IGF1R: variants seen among roughly 807,000 people sequenced by gnomAD.
IGF1R encodes the protein insulin like growth factor 1 receptor.
IGF1R carries 44 observed loss-of-function variants against 144.6 expected under a neutral mutation model. The observed-to-expected ratio is 0.30, with a 90% confidence interval of 0.24 to 0.39. The LOEUF (loss-of-function observed/expected upper bound fraction) is 0.39, where lower values mean the gene tolerates loss of function less well. IGF1R is among the 10% of genes least tolerant of loss of function. The probability of loss-of-function intolerance (pLI) is 1.00; values close to 1 mark genes in which losing one functional copy is unlikely to be tolerated. For missense variants in IGF1R, 1,355 were observed against 1,833.7 expected (o/e 0.74, Z 4.77); for synonymous variants, 795 against 722.8 (o/e 1.10, Z -1.60).
rs774138819 is a variant in IGF1R, at chr15:98,937,774, G to A, written c.3298-1427G>A. 1.1e-3 allele frequency among the ~76,000 whole-genome samples: 161 copies of A among 152,220 alleles called. 1 individual carries two copies. Among genetic ancestry groups the A allele is most frequent in the Non-Finnish European group, 1.9e-3 (126 of 68,012 alleles). ...TGCTTTTGTTGATTCTGTTGCTCAC[G>A]GCAATTATAAATGACCACTTCATAA... On this transcript the variant is annotated intron_variant, in intron 17 of 20. Coordinates refer to ENST00000650285, the MANE Select transcript of IGF1R (RefSeq NM_000875.5).
At chr15:98,776,800 C>A (rs73475667) in intron 2 of IGF1R, among the ~76,000 whole-genome samples, 2,417 of 152,270 alleles carry the variant, frequency 0.016, 63 homozygotes, top group African/African-American at 0.055. Context: ...CACAGATAAG[C>A]CCAAAAGAGA....
At chr15:98,893,240 A>G (rs1033948581) in intron 3 of IGF1R, among the ~76,000 whole-genome samples, 1 of 152,212 alleles carries the variant, frequency 6.6e-6, no homozygotes, top group Non-Finnish European at 1.5e-5. Context: ...TTATTTGGAG[A>G]CGCAGCTTCT....
At chr15:98,845,435 C>CCCT (rs1158300630) in intron 2 of IGF1R, among the ~76,000 whole-genome samples, 2 of 105,262 alleles carry the variant, frequency 1.9e-5, no homozygotes, top group Admixed American at 1.9e-4. Context: ...TTCCTCCCCT[C>CCCT]CCTCCTCCTC....
At chr15:98,671,077 T>C (rs1052432487) in intron 1 of IGF1R, among the ~76,000 whole-genome samples, 3 of 152,196 alleles carry the variant, frequency 2.0e-5, no homozygotes, top group Admixed American at 6.5e-5. Context: ...GTGTCTCACG[T>C]TGATGCAAAT....
intron 19 of IGF1R, among the ~76,000 whole-genome samples, chr15:98,944,831 C>T (rs1567215079): frequency 6.6e-6 from 1 of 152,364 alleles, no homozygotes. Flanking sequence ...CAGCCTCATG[C>T]TTTAGACATC....
intron 2 of IGF1R, among the ~76,000 whole-genome samples, chr15:98,762,587 G>T (rs1432639042): frequency 1.3e-5 from 2 of 151,942 alleles, no homozygotes; most frequent in Non-Finnish European, 2.9e-5. Flanking sequence ...AGTTAGCTGG[G>T]CGTGGTGGCA....
intron 2 of IGF1R, among the ~76,000 whole-genome samples, chr15:98,817,647 TG>T (rs757760574): frequency 3.3e-5 from 5 of 152,170 alleles, no homozygotes; most frequent in Non-Finnish European, 7.3e-5. Flanking sequence ...ACTTGGAAGA[TG>T]AGGGAAACTG....
chr15:98,787,808 T>G (rs1476550989), intron 2 of IGF1R, among the ~76,000 whole-genome samples: 1 of 152,170 alleles, frequency 6.6e-6, no homozygotes, highest in Non-Finnish European at 1.5e-5. Flanking sequence ...CAGCTGGAGG[T>G]GTCTGGTAGG....
At chr15:98,717,665 C>G (rs1404991091) in intron 2 of IGF1R, among the ~76,000 whole-genome samples, 1 of 152,094 alleles carries the variant, frequency 6.6e-6, no homozygotes, top group Non-Finnish European at 1.5e-5. Flanking sequence ...GGTTCCGAAA[C>G]TGAATTTATT....
chr15:98,676,826 T>C (rs1430783344), intron 1 of IGF1R, among the ~76,000 whole-genome samples: 1 of 152,324 alleles, frequency 6.6e-6, no homozygotes, highest in Admixed American at 6.5e-5. Flanking sequence ...TTGTATACTT[T>C]TCCTTTTGGG....
chr15:98,857,863 C>A lies in IGF1R; in HGVS notation c.641-33462C>A, dbSNP rs536237386. Among the ~76,000 whole-genome samples the A allele has an allele frequency of 1.3e-3, 193 of 152,308 alleles. 1 individual carries two copies. Among genetic ancestry groups the A allele is most frequent in the African/African-American group, 4.2e-3 (176 of 41,576 alleles). On this transcript the variant is annotated intron_variant, in intron 2 of 20. Transcript: ENST00000650285. ...TAAGGATAACTGAGACCTGTACATTCCATTTTTCCTGTCATATTTAGGGCT... is the reference window on the plus strand; with the variant it reads ...TAAGGATAACTGAGACCTGTACATTACATTTTTCCTGTCATATTTAGGGCT...
At chr15:98,764,956 A>G (rs1261336978) in intron 2 of IGF1R, among the ~76,000 whole-genome samples, 1 of 152,204 alleles carries the variant, frequency 6.6e-6, no homozygotes, top group Non-Finnish European at 1.5e-5. Context: ...CCCCTTAAGC[A>G]GTTAATCCCC....
At chr15:98,837,232 C>G (rs1403841815) in intron 2 of IGF1R, among the ~76,000 whole-genome samples, 1 of 152,016 alleles carries the variant, frequency 6.6e-6, no homozygotes, top group African/African-American at 2.4e-5. Context: ...AGTGCCCCAC[C>G]AGTTTTGTTT....
intron 2 of IGF1R, among the ~76,000 whole-genome samples, chr15:98,779,808 C>T (rs2055810778): frequency 6.6e-6 from 1 of 152,186 alleles, no homozygotes; most frequent in Non-Finnish European, 1.5e-5. Context: ...AGCAGGCTAT[C>T]TGTGGAGATA....
Position 98,651,745 on chromosome 15 carries a change from C to T in IGF1R, c.94+2070C>T, listed in dbSNP as rs572822133. On this transcript the variant is annotated intron_variant, in intron 1 of 20. Coordinates refer to ENST00000650285, the MANE Select transcript of IGF1R (RefSeq NM_000875.5). ...TAATGTATGTTTTTACTCCATGATACCAAAGCTTCCCCCCAGGATCCCTTT... is the reference window on the plus strand; with the variant it reads ...TAATGTATGTTTTTACTCCATGATATCAAAGCTTCCCCCCAGGATCCCTTT... Among the ~76,000 whole-genome samples, 14 of 152,248 alleles carry T rather than the reference C, an allele frequency of 9.2e-5. No individual in the cohort carries two copies. The South Asian group carries it at 2.9e-3, about 32-fold the overall frequency.
At chr15:98,899,335 G>T in intron 4 of IGF1R, 142 bp from the exon 5 acceptor site, 4 of 813,902 alleles carry the variant, frequency 4.9e-6, no homozygotes, top group Non-Finnish European at 4.1e-6. Flanking sequence ...GTGTGTTTTT[G>T]TCAGGGAGCA....
rs115081574 is a variant in IGF1R at position 98,910,087 on chromosome 15, C to T, written c.1462+1188C>T. ...ATGCGTGTTTGGCTTTGGCTTGTTT[C>T]GCTGGTGTCTGGATTTACCTGGCGA... is the stretch of plus-strand genomic sequence containing the variant. On this transcript the variant is annotated intron_variant, in intron 6 of 20. Transcript: ENST00000650285. Among the ~76,000 whole-genome samples the T allele has an allele frequency of 9.8e-3, 1,486 of 152,288 alleles. 25 individuals carry two copies. The highest frequency in any genetic ancestry group is 0.034 in the African/African-American group (1,412 of 41,552).
chr15:98,842,901 G>A (rs757902319), intron 2 of IGF1R, among the ~76,000 whole-genome samples: 3 of 152,116 alleles, frequency 2.0e-5, no homozygotes, highest in African/African-American at 4.8e-5. Context: ...GGGGGTGAGC[G>A]TTTGTAGAAA....
At chr15:98,813,795 A>G (rs1281900911) in intron 2 of IGF1R, among the ~76,000 whole-genome samples, 1 of 152,236 alleles carries the variant, frequency 6.6e-6, no homozygotes, top group East Asian at 1.9e-4. Flanking sequence ...GACTTGAGAA[A>G]GGTGGAGAGG....
Sources: gnomAD v4.1 joint callset for allele counts (sites outside exome capture counted in the v4.1 genomes callset) on GRCh38, gnomAD v4.1.1 for gene constraint, MANE v1.5 for transcripts, NCBI Gene and HGNC (gene_info 2026-07-23, HGNC 2026-07-21) for gene names.